HDHD2: variants seen among roughly 807,000 people sequenced by gnomAD.
The protein encoded by HDHD2 is haloacid dehalogenase like hydrolase domain containing 2, also known as haloacid dehalogenase-like hydrolase domain-containing protein 2.
HDHD2 carries 26 observed loss-of-function variants against 24.8 expected under a neutral mutation model. That is an observed-to-expected ratio of 1.05 (90% CI 0.77 to 1.45). The LOEUF (loss-of-function observed/expected upper bound fraction) is 1.45. Among genes scored for constraint, HDHD2 ranks in the 40% most tolerant of loss-of-function variants. HDHD2 has a pLI of 0.00. For missense variants in HDHD2, 299 were observed against 313.4 expected (o/e 0.95, Z 0.35); for synonymous variants, 128 against 114.9 (o/e 1.11, Z -0.73).
intron 4 of HDHD2, among the ~76,000 whole-genome samples, chr18:47,128,475 T>C (rs16958699): frequency 0.068 from 10,336 of 152,234 alleles, 430 homozygotes; most frequent in East Asian, 0.13. Flanking sequence ...GCAGATGGCA[T>C]AGTCTCTCCC....
intron 4 of HDHD2, among the ~76,000 whole-genome samples, chr18:47,121,099 AGTTT>A (rs748174529): frequency 2.0e-5 from 3 of 151,832 alleles, no homozygotes; most frequent in Non-Finnish European, 4.4e-5. Context: ...CCACAAAATC[AGTTT>A]GTTAAAAAAA....
At chr18:47,113,121 T>C in intron 5 of HDHD2, 81 bp from the exon 6 acceptor site, 2 of 1,161,160 alleles carry the variant, frequency 1.7e-6, no homozygotes, top group Non-Finnish European at 2.6e-6. Flanking sequence ...TTTATTAGGC[T>C]AGGGTGTCCA....
chr18:47,136,356 T>C lies in HDHD2; in HGVS notation c.84A>G (p.Ala28=). The C allele has an allele frequency of 1.2e-6, 2 of 1,613,756 alleles. No individual in the cohort carries two copies. Among genetic ancestry groups the C allele is most frequent in the Non-Finnish European group, 1.7e-6 (2 of 1,180,016 alleles). ...LHIEDAAVPG[A]QEALKRLRGA... Reference sequence around the variant, plus strand: ...TAGCTTGCCTTTTAAGAGCTTCCTGTGCGCCTGGCACAGCTGCATCTTCAA... The same window carrying C: ...TAGCTTGCCTTTTAAGAGCTTCCTGCGCGCCTGGCACAGCTGCATCTTCAA... The change falls in exon 2 of 7, where the codon GCA becomes GCG. Residue 28 remains alanine, a synonymous_variant. Transcript: ENST00000300605.
At chr18:47,121,694 A>G (rs187082181) in intron 4 of HDHD2, among the ~76,000 whole-genome samples, 1 of 152,232 alleles carries the variant, frequency 6.6e-6, no homozygotes, top group Non-Finnish European at 1.5e-5. Flanking sequence ...CAGTCTCGAA[A>G]GCCTTGCCCT....
intron 1 of HDHD2, among the ~76,000 whole-genome samples, chr18:47,139,842 T>C (rs2063804111): frequency 6.6e-6 from 1 of 152,208 alleles, no homozygotes; most frequent in Admixed American, 6.5e-5. Context: ...TTGACTGTTG[T>C]TGTGTTAGTG....
chr18:47,108,878 C>A, intron 6 of HDHD2, 93 bp from the exon 7 acceptor site: 1 of 718,492 alleles, frequency 1.4e-6, no homozygotes, highest in Non-Finnish European at 2.5e-6. Flanking sequence ...CAGCACCACC[C>A]TTACAGTTAA....
At chr18:47,148,553 C>A (rs2063897077) in intron 1 of HDHD2, among the ~76,000 whole-genome samples, 1 of 152,164 alleles carries the variant, frequency 6.6e-6, no homozygotes. Context: ...AGGAGAACTT[C>A]CAGATACTTC....
At chr18:47,136,815 G>A (rs1286188565) in intron 1 of HDHD2, among the ~76,000 whole-genome samples, 1 of 152,114 alleles carries the variant, frequency 6.6e-6, no homozygotes, top group African/African-American at 2.4e-5. Flanking sequence ...TGGATGAAAG[G>A]ACTAAATCAT....
Position 47,138,025 on chromosome 18 carries a change from G to C in HDHD2, c.-10-1576C>G, listed in dbSNP as rs186841361. ...TACTAAAAATACAAAAATTAGCTGGGCATGGTGGCAGTTGCCTGTAATCCC... is the reference window on the plus strand; with the variant it reads ...TACTAAAAATACAAAAATTAGCTGGCCATGGTGGCAGTTGCCTGTAATCCC... On this transcript the variant is annotated intron_variant, in intron 1 of 6. Coordinates refer to ENST00000300605, the MANE Select transcript of HDHD2 (RefSeq NM_032124.5). Among the ~76,000 whole-genome samples, 22 of 151,808 alleles carry C rather than the reference G, an allele frequency of 1.4e-4. No individual in the cohort carries two copies. In the East Asian group the frequency reaches 3.7e-3, roughly 25 times the overall value.
chr18:47,137,708 T>C (rs976561764), intron 1 of HDHD2, among the ~76,000 whole-genome samples: 1 of 152,238 alleles, frequency 6.6e-6, no homozygotes, highest in Non-Finnish European at 1.5e-5. Context: ...AGAATTTTAA[T>C]GTTTTTCATT....
chr18:47,122,801 C>T (rs899154350), intron 4 of HDHD2, among the ~76,000 whole-genome samples: 7 of 151,904 alleles, frequency 4.6e-5, no homozygotes, highest in Non-Finnish European at 8.8e-5. Context: ...ACGAATACTA[C>T]ACATCCAAAG....
intron 1 of HDHD2, chr18:47,136,907 A>ATC: frequency 2.2e-6 from 1 of 448,972 alleles, no homozygotes; most frequent in South Asian, 2.5e-5. Context: ...CTGAAACAGA[A>ATC]TATGTGGCTC....
At chr18:47,141,516 T>C (rs2063819430) in intron 1 of HDHD2, among the ~76,000 whole-genome samples, 1 of 152,204 alleles carries the variant, frequency 6.6e-6, no homozygotes, top group South Asian at 2.1e-4. Context: ...TGTCCTCATA[T>C]ATTATTTCAA....
intron 1 of HDHD2, among the ~76,000 whole-genome samples, chr18:47,149,840 G>A (rs751062723): frequency 6.6e-6 from 1 of 152,136 alleles, no homozygotes; most frequent in Non-Finnish European, 1.5e-5. Flanking sequence ...CTGTGCATAA[G>A]GGACTGTGTT....
intron 1 of HDHD2, among the ~76,000 whole-genome samples, chr18:47,144,342 G>GA (rs761903933): frequency 6.6e-6 from 1 of 152,182 alleles, no homozygotes; most frequent in Non-Finnish European, 1.5e-5. Context: ...GGGTGAGCCA[G>GA]AAATAAACTA....
intron 2 of HDHD2, among the ~76,000 whole-genome samples, chr18:47,135,056 T>C (rs1021782766): frequency 6.6e-6 from 1 of 152,074 alleles, no homozygotes; most frequent in Non-Finnish European, 1.5e-5. Context: ...TTAAACAACA[T>C]GTTGTCCACT....
intron 1 of HDHD2, among the ~76,000 whole-genome samples, chr18:47,149,606 CG>C (rs563383712): frequency 6.6e-4 from 101 of 152,278 alleles, no homozygotes; most frequent in African/African-American, 2.4e-3. Context: ...TTGCCTCCCT[CG>C]TTGCGGGACT....
chr18:47,133,071 G>A (rs1217279843), intron 3 of HDHD2, among the ~76,000 whole-genome samples: 1 of 152,048 alleles, frequency 6.6e-6, no homozygotes, highest in Admixed American at 6.5e-5. Context: ...ATGTATACAT[G>A]TGCCATGTTG....
At chr18:47,145,429 G>T (rs1003732432) in intron 1 of HDHD2, among the ~76,000 whole-genome samples, 1 of 152,124 alleles carries the variant, frequency 6.6e-6, no homozygotes, top group African/African-American at 2.4e-5. Context: ...ATATGGAGAC[G>T]AACTGATCAA....
Sources: gnomAD v4.1 joint callset for allele counts (sites outside exome capture counted in the v4.1 genomes callset) on GRCh38, gnomAD v4.1.1 for gene constraint, MANE v1.5 for transcripts, NCBI Gene and HGNC (gene_info 2026-07-23, HGNC 2026-07-21) for gene names.